The following PHTF2 variants were observed in gnomAD, a reference collection of about 807,000 sequenced individuals.
The protein encoded by PHTF2 is putative homeodomain transcription factor 2.
PHTF2 carries 60 observed loss-of-function variants against 101.2 expected under a neutral mutation model. That is an observed-to-expected ratio of 0.59 (90% CI 0.48 to 0.73). PHTF2 has a LOEUF of 0.73. Among genes scored for constraint, PHTF2 ranks in the 30% least tolerant of loss-of-function variants. The pLI is 0.00. For synonymous variants in PHTF2, 311 were observed against 307.3 expected (o/e 1.01, Z -0.13); for missense variants, 747 against 908.7 (o/e 0.82, Z 2.29).
chr7:77,858,811 T>C (rs975754608), intron 3 of PHTF2, among the ~76,000 whole-genome samples: 1 of 152,190 alleles, frequency 6.6e-6, no homozygotes, highest in African/African-American at 2.4e-5. Flanking sequence ...TTTATTGTGA[T>C]AATGAAATAA....
At chr7:77,885,274 T>A (rs1026714008) in intron 3 of PHTF2, among the ~76,000 whole-genome samples, 30 of 152,038 alleles carry the variant, frequency 2.0e-4, no homozygotes, top group Non-Finnish European at 3.8e-4. Context: ...TTAATTTTTT[T>A]AAATAGAGAT....
chr7:77,929,035 G>A (rs1341820023), intron 11 of PHTF2, 74 bp from the exon 11 acceptor site: 5 of 1,052,222 alleles, frequency 4.8e-6, no homozygotes, highest in Non-Finnish European at 7.1e-6. Context: ...ATCAATATAT[G>A]GGTTCTGATA....
chr7:77,938,437 A>G (rs1805343372), intron 13 of PHTF2, among the ~76,000 whole-genome samples: 2 of 152,184 alleles, frequency 1.3e-5, no homozygotes, highest in Non-Finnish European at 2.9e-5. Flanking sequence ...TGATTTTTAA[A>G]ATGTGTTGAT....
chr7:77,955,730 A>G (rs903556856), exon 20 of PHTF2: 1 of 152,628 alleles, frequency 6.6e-6, no homozygotes, highest in African/African-American at 2.4e-5. Context: ...TTACTAAAGT[A>G]CATTATGTTT....
intron 2 of PHTF2, among the ~76,000 whole-genome samples, chr7:77,846,617 C>T (rs1347139617): frequency 3.9e-5 from 5 of 127,128 alleles, no homozygotes; most frequent in African/African-American, 5.9e-5. Context: ...CCCTCCCTTC[C>T]CCTTCCCTCC....
At chr7:77,896,064 T>C (rs1300843492) in intron 5 of PHTF2, 4 of 152,136 alleles carry the variant, frequency 2.6e-5, no homozygotes, top group Non-Finnish European at 4.4e-5. Context: ...TTTGGGGTGA[T>C]AAAAAAATTT....
chr7:77,935,327 A>G (rs1249830797), intron 12 of PHTF2, among the ~76,000 whole-genome samples: 1 of 137,650 alleles, frequency 7.3e-6, no homozygotes, highest in Admixed American at 8.5e-5. Context: ...GGTTCACGCC[A>G]TTCTCTTGCC....
intron 2 of PHTF2, among the ~76,000 whole-genome samples, chr7:77,842,101 T>A (rs1418403581): frequency 6.6e-6 from 1 of 152,214 alleles, no homozygotes; most frequent in Non-Finnish European, 1.5e-5. Context: ...AAGGGTCATT[T>A]ACCTGACAGC....
intron 7 of PHTF2, among the ~76,000 whole-genome samples, chr7:77,903,041 A>G (rs377692373): frequency 6.6e-6 from 1 of 152,172 alleles, no homozygotes; most frequent in Non-Finnish European, 1.5e-5. Flanking sequence ...CTTTAAATTT[A>G]TAATACTTTT....
At chr7:77,812,819 G>A (rs1230183320) in intron 1 of PHTF2, among the ~76,000 whole-genome samples, 1 of 152,130 alleles carries the variant, frequency 6.6e-6, no homozygotes, top group Non-Finnish European at 1.5e-5. Context: ...TCGATCTCCT[G>A]ACCTCGTGAT....
chr7:77,950,946 C>A (rs1318729797), intron 17 of PHTF2, among the ~76,000 whole-genome samples: 3 of 152,174 alleles, frequency 2.0e-5, no homozygotes, highest in Non-Finnish European at 4.4e-5. Context: ...TTTGGGTGTA[C>A]ATTCCAGCCT....
At chr7:77,828,994 T>G (rs1290714443) in intron 1 of PHTF2, among the ~76,000 whole-genome samples, 1 of 151,792 alleles carries the variant, frequency 6.6e-6, no homozygotes, top group Non-Finnish European at 1.5e-5. Flanking sequence ...GACAACAAAG[T>G]GAGACCCGGC....
At position 77,875,188 on chromosome 7, in the gene PHTF2, C is replaced by T. The variant is rs981461832; in HGVS notation, c.148-18420C>T. 3.3e-5 allele frequency among the ~76,000 whole-genome samples: 5 copies of T among 152,210 alleles called. No homozygotes were observed. In the East Asian group the frequency reaches 9.6e-4, roughly 29 times the overall value. On this transcript the variant is annotated intron_variant, in intron 3 of 19. Transcript: ENST00000416283. ...TTATCTTTGGTAGTATGGTCATTTT[C>T]ACAACATTCTTCTAGTCCATGAGCG...
chr7:77,811,364 A>G (rs1306691127), intron 1 of PHTF2, among the ~76,000 whole-genome samples: 1 of 152,052 alleles, frequency 6.6e-6, no homozygotes, highest in Non-Finnish European at 1.5e-5. Flanking sequence ...AGGTAAAGTC[A>G]CTCTTTTATT....
Position 77,901,827 on chromosome 7 carries a change from C to T in PHTF2, c.352C>T (p.Arg118Ter). ...TTCTCTGACCAGAAAGGGAATTGTT[C>T]GAGTTGTATTTTTCCCCTTTTTCTT... is the stretch of plus-strand genomic sequence containing the variant. Residue 118 changes from arginine (R) to a stop codon, truncating the protein, a stop_gained, in exon 7 of 20, where the codon CGA becomes TGA. Transcript: ENST00000416283. LOFTEE classifies it high-confidence loss of function. The T allele has an allele frequency of 1.9e-6, 3 of 1,588,724 alleles. No homozygotes were observed. Among genetic ancestry groups the T allele is most frequent in the Non-Finnish European group, 2.6e-6 (3 of 1,165,902 alleles).
intron 1 of PHTF2, among the ~76,000 whole-genome samples, chr7:77,813,196 G>A (rs1793586906): frequency 6.6e-6 from 1 of 152,190 alleles, no homozygotes. Context: ...CCAAGGGACT[G>A]TGTGAAGATA....
Position 77,900,586 on chromosome 7 carries a change from ATG to A in PHTF2, c.217-121_217-120del, listed in dbSNP as rs1398747305. On this transcript the variant is annotated intron_variant, in intron 5 of 19. Transcript: ENST00000416283. ...GTGTTCTGTTTGTAACAAATGCATA[ATG>A]TGTTACATTTTGTTGGTACTATTAA... 6.0e-6 allele frequency: 4 copies of A among 663,976 alleles called. No individual in the cohort carries two copies. The African/African-American group carries it at 7.2e-5, about 12-fold the overall frequency. The allele number at this position is 663,976 out of a possible 1,614,324, so 41.1% of individuals were successfully genotyped here. A position where few individuals can be genotyped will look rare whatever the true frequency, so the allele number is the denominator to read the frequency against.
chr7:77,916,464 C>T (rs530733515), intron 9 of PHTF2, among the ~76,000 whole-genome samples: 4 of 152,172 alleles, frequency 2.6e-5, no homozygotes, highest in African/African-American at 4.8e-5. Flanking sequence ...GGAGCAACCA[C>T]GTTTTTGACC....
At chr7:77,942,650 A>G (rs1391140789) in intron 15 of PHTF2, 50 bp from the exon 15 acceptor site, 6 of 1,007,060 alleles carry the variant, frequency 6.0e-6, no homozygotes, top group Non-Finnish European at 9.0e-6. Context: ...GCTGATTAGT[A>G]AATATATTTT....
Sources: gnomAD v4.1 joint callset for allele counts (sites outside exome capture counted in the v4.1 genomes callset) on GRCh38, gnomAD v4.1.1 for gene constraint, MANE v1.5 for transcripts, NCBI Gene and HGNC (gene_info 2026-07-23, HGNC 2026-07-21) for gene names.